The following WDR59 variants were observed in gnomAD, a reference collection of about 807,000 sequenced individuals.
WDR59 encodes GATOR2 complex protein WDR59.
WDR59 carries 100 observed loss-of-function variants against 131.2 expected under a neutral mutation model. The ratio of observed to expected loss-of-function variants is 0.76; its 90% CI spans 0.65 to 0.90. The LOEUF (loss-of-function observed/expected upper bound fraction) is 0.90, where lower values mean the gene tolerates loss of function less well. WDR59 is among the 40% of genes least tolerant of loss of function. The probability of loss-of-function intolerance (pLI) is 0.00; values close to 1 mark genes in which losing one functional copy is unlikely to be tolerated. For synonymous variants in WDR59, 601 were observed against 466.2 expected (o/e 1.29, Z -3.72); for missense variants, 1,203 against 1,262.2 (o/e 0.95, Z 0.71).
At chr16:74,914,309 A>G (rs1966255145) in intron 13 of WDR59, among the ~76,000 whole-genome samples, 2 of 152,242 alleles carry the variant, frequency 1.3e-5, no homozygotes, top group South Asian at 4.1e-4. Context: ...CTTAAACTAG[A>G]TCACTAGGTA....
chr16:74,963,614 G>A (rs34430580), intron 2 of WDR59, among the ~76,000 whole-genome samples: 42,347 of 151,942 alleles, frequency 0.28, 7,151 homozygotes, highest in East Asian at 0.72. Flanking sequence ...GGAGAGCATC[G>A]GGATAAATAG....
intron 7 of WDR59, among the ~76,000 whole-genome samples, chr16:74,941,340 C>CA (rs71378720): frequency 0.23 from 25,404 of 109,612 alleles, 3,488 homozygotes; most frequent in East Asian, 0.57. Flanking sequence ...GGCTCCATCT[C>CA]AAAAAAAAAA....
chr16:74,893,869 A>G (rs1965163547), intron 18 of WDR59, 57 bp from the exon 19 acceptor site: 2 of 1,592,168 alleles, frequency 1.3e-6, no homozygotes, highest in African/African-American at 1.3e-5. Context: ...GAAACCAACA[A>G]TTGCAGAGCT....
At chr16:74,939,022 A>T (rs985890720) in intron 7 of WDR59, among the ~76,000 whole-genome samples, 2 of 152,044 alleles carry the variant, frequency 1.3e-5, no homozygotes, top group African/African-American at 4.8e-5. Flanking sequence ...ACAATACATG[A>T]TTAATAAGCA....
At chr16:74,972,753 T>C (rs1055024867) in intron 1 of WDR59, among the ~76,000 whole-genome samples, 2 of 134,256 alleles carry the variant, frequency 1.5e-5, no homozygotes, top group African/African-American at 2.8e-5. Context: ...ACCTGGGAGA[T>C]GGAGATTGCA....
intron 1 of WDR59, among the ~76,000 whole-genome samples, chr16:74,979,897 G>GGA (rs1481170435): frequency 7.3e-6 from 1 of 137,576 alleles, no homozygotes; most frequent in Non-Finnish European, 1.5e-5. Flanking sequence ...CACCCAAGCT[G>GGA]GAGTGCAATG....
At chr16:74,958,574 C>G (rs922159916) in intron 2 of WDR59, among the ~76,000 whole-genome samples, 3 of 60,176 alleles carry the variant, frequency 5.0e-5, no homozygotes, top group Non-Finnish European at 1.1e-4. Flanking sequence ...GCCTGGGGGA[C>G]AGGCTGAGAC....
intron 8 of WDR59, among the ~76,000 whole-genome samples, chr16:74,935,246 A>G (rs779727342): frequency 6.7e-4 from 102 of 152,084 alleles, no homozygotes; most frequent in Non-Finnish European, 1.2e-3. Flanking sequence ...AAAAGAATGT[A>G]CCAAGTGACT....
At chr16:74,914,987 G>A (rs1263890903) in intron 13 of WDR59, among the ~76,000 whole-genome samples, 1 of 152,224 alleles carries the variant, frequency 6.6e-6, no homozygotes, top group African/African-American at 2.4e-5. Flanking sequence ...CCTTTCTGGA[G>A]AGATACTCAA....
At chr16:74,879,327 A>C (rs966220346) in intron 25 of WDR59, among the ~76,000 whole-genome samples, 1 of 152,218 alleles carries the variant, frequency 6.6e-6, no homozygotes, top group Non-Finnish European at 1.5e-5. Flanking sequence ...TGTGCACTGC[A>C]GCCTGGGTGA....
At chr16:74,932,525 G>A (rs1269133021) in intron 8 of WDR59, among the ~76,000 whole-genome samples, 1 of 146,498 alleles carries the variant, frequency 6.8e-6, no homozygotes, top group African/African-American at 2.5e-5. Flanking sequence ...GTCTCACTCT[G>A]TCACCCAGGT....
At chr16:74,874,480 G>A (rs1235329571) in intron 25 of WDR59, 36 bp from the exon 26 acceptor site, 1 of 1,595,800 alleles carries the variant, frequency 6.3e-7, no homozygotes, top group Non-Finnish European at 8.6e-7. Flanking sequence ...ACAAGAGGCA[G>A]CATGAGTTTA....
intron 22 of WDR59, 114 bp from the exon 23 acceptor site, chr16:74,887,869 G>C (rs1964844470): frequency 8.9e-7 from 1 of 1,125,918 alleles, no homozygotes. Context: ...TGTAATCCTA[G>C]CAGTTTGGGA....
intron 25 of WDR59, among the ~76,000 whole-genome samples, chr16:74,881,872 CAA>C (rs1231563634): frequency 8.3e-5 from 4 of 48,430 alleles, no homozygotes; most frequent in Non-Finnish European, 8.7e-5. Flanking sequence ...GACTCCGTCT[CAA>C]AAAAAAAAAA....
At chr16:74,970,317 G>C (rs960711733) in intron 1 of WDR59, among the ~76,000 whole-genome samples, 1 of 151,810 alleles carries the variant, frequency 6.6e-6, no homozygotes, top group African/African-American at 2.4e-5. Context: ...TTTAAAGGCA[G>C]GCAATGTGAT....
At chr16:74,901,539 C>T (rs575893284) in intron 18 of WDR59, among the ~76,000 whole-genome samples, 7 of 150,010 alleles carry the variant, frequency 4.7e-5, no homozygotes, top group African/African-American at 7.4e-5. Context: ...ACTCAGGAGG[C>T]GGCTGAGGTG....
intron 19 of WDR59, among the ~76,000 whole-genome samples, chr16:74,893,076 A>G (rs151228096): frequency 6.6e-6 from 1 of 152,334 alleles, no homozygotes; most frequent in African/African-American, 2.4e-5. Flanking sequence ...CCTGCTTTGC[A>G]TAACAGCTCT....
At chr16:74,924,154 T>C (rs2030546095) in intron 8 of WDR59, 151 bp from the exon 9 acceptor site, 3 of 661,350 alleles carry the variant, frequency 4.5e-6, no homozygotes, top group Non-Finnish European at 7.5e-6. Context: ...CCACGCACTG[T>C]GACAGAGACA....
intron 7 of WDR59, among the ~76,000 whole-genome samples, chr16:74,941,462 G>C (rs1335457228): frequency 1.3e-5 from 2 of 152,090 alleles, no homozygotes; most frequent in Non-Finnish European, 2.9e-5. Context: ...GGGAGGCCGA[G>C]GTGGGCAGAT....
Sources: gnomAD v4.1 joint callset for allele counts (sites outside exome capture counted in the v4.1 genomes callset) on GRCh38, gnomAD v4.1.1 for gene constraint, MANE v1.5 for transcripts, NCBI Gene and HGNC (gene_info 2026-07-23, HGNC 2026-07-21) for gene names.